CNBD1: variants seen among roughly 807,000 people sequenced by gnomAD.
The protein encoded by CNBD1 is cyclic nucleotide binding domain containing 1, also known as cyclic nucleotide-binding domain-containing protein 1.
Under a neutral mutation model 54.4 loss-of-function variants are expected in CNBD1, and 71 were observed. The observed-to-expected ratio is 1.30, with a 90% CI of 1.08 to 1.59. The LOEUF is 1.59. Among genes scored for constraint, CNBD1 ranks in the 40% most tolerant of loss-of-function variants. The pLI, the probability that CNBD1 is intolerant of heterozygous loss-of-function variation, is 0.00. For synonymous variants in CNBD1, 182 were observed against 170.7 expected (o/e 1.07, Z -0.51); for missense variants, 659 against 518.0 (o/e 1.27, Z -2.64).
chr8:87,077,902 T>C (rs890571040), intron 4 of CNBD1, among the ~76,000 whole-genome samples: 1 of 152,112 alleles, frequency 6.6e-6, no homozygotes, highest in African/African-American at 2.4e-5. Context: ...CTTTATAGTA[T>C]CATGATTTAT....
chr8:87,103,135 A>C (rs1300308619), intron 4 of CNBD1, among the ~76,000 whole-genome samples: 2 of 152,194 alleles, frequency 1.3e-5, no homozygotes, highest in Non-Finnish European at 2.9e-5. Flanking sequence ...ATCTGTGCTG[A>C]AGGTAGCATT....
At chr8:87,391,246 AAAAG>A (rs914174398) in intron 2 of CNBD1, among the ~76,000 whole-genome samples, 2 of 152,156 alleles carry the variant, frequency 1.3e-5, no homozygotes, top group African/African-American at 2.4e-5. Flanking sequence ...TATAATAAAA[AAAAG>A]AAATTTCAAA....
At chr8:87,327,480 A>T (rs1054557882) in intron 8 of CNBD1, among the ~76,000 whole-genome samples, 7 of 152,200 alleles carry the variant, frequency 4.6e-5, no homozygotes, top group Admixed American at 4.6e-4. Flanking sequence ...GGATACTCCG[A>T]ACCAGGTGTG....
intron 4 of CNBD1, among the ~76,000 whole-genome samples, chr8:87,187,504 C>G (rs1379246800): frequency 1.4e-5 from 2 of 142,172 alleles, no homozygotes; most frequent in Non-Finnish European, 3.0e-5. Context: ...TTGACAGTAA[C>G]TAAATATTGT....
At chr8:87,374,644 C>G (rs1168963355) in intron 10 of CNBD1, among the ~76,000 whole-genome samples, 1 of 151,784 alleles carries the variant, frequency 6.6e-6, no homozygotes, top group Non-Finnish European at 1.5e-5. Context: ...AGCCATGTAA[C>G]TGGCTCTGGT....
chr8:87,224,012 A>T (rs922140079), intron 5 of CNBD1, among the ~76,000 whole-genome samples: 1 of 151,768 alleles, frequency 6.6e-6, no homozygotes, highest in East Asian at 1.9e-4. Flanking sequence ...GCATTTTTTC[A>T]TGTGTTTTTT....
chr8:87,015,930 G>C (rs547196929), intron 4 of CNBD1, among the ~76,000 whole-genome samples: 1 of 126,244 alleles, frequency 7.9e-6, no homozygotes, highest in African/African-American at 3.0e-5. Flanking sequence ...GCAGCAAGCT[G>C]AGATTGTAAC....
chr8:87,387,039 T>A (rs1258438193), downstream of CNBD1, among the ~76,000 whole-genome samples: 1 of 152,180 alleles, frequency 6.6e-6, no homozygotes, highest in African/African-American at 2.4e-5. Context: ...TAAAATACTT[T>A]ACAGACAAGG....
intron 4 of CNBD1, among the ~76,000 whole-genome samples, chr8:87,152,636 C>A (rs1467051368): frequency 1.3e-5 from 2 of 152,086 alleles, no homozygotes; most frequent in Admixed American, 6.6e-5. Context: ...CCTCTTGATA[C>A]TGAGCTGTCC....
intron 10 of CNBD1, among the ~76,000 whole-genome samples, chr8:87,359,010 C>G (rs1481742320): frequency 1.3e-5 from 2 of 152,146 alleles, no homozygotes; most frequent in Non-Finnish European, 2.9e-5. Flanking sequence ...AAATGCTAAT[C>G]TCTCTAAAAA....
rs539570536 is a variant in CNBD1 at position 86,936,160 on chromosome 8, T to A, written c.273-3436T>A. On this transcript the variant is annotated intron_variant, in intron 3 of 10. Coordinates refer to ENST00000518476, the MANE Select transcript of CNBD1 (RefSeq NM_173538.3). ...AAAAAAAAATGCATTTAAAGCAATA[T>A]ATTTCTTTCTAATTTGTTTTATCTG... Among the ~76,000 whole-genome samples the A allele has an allele frequency of 4.6e-5, 7 of 152,210 alleles. No homozygotes were observed. The East Asian group carries it at 1.2e-3, about 25-fold the overall frequency.
chr8:87,147,526 C>T (rs578088637), intron 4 of CNBD1, among the ~76,000 whole-genome samples: 1 of 152,032 alleles, frequency 6.6e-6, no homozygotes, highest in South Asian at 2.1e-4. Flanking sequence ...ATATATATTT[C>T]TGACTACATT....
intron 8 of CNBD1, among the ~76,000 whole-genome samples, chr8:87,336,637 G>C (rs997963186): frequency 6.6e-6 from 1 of 152,020 alleles, no homozygotes; most frequent in Non-Finnish European, 1.5e-5. Context: ...CATAGGTTTA[G>C]AACATGCTCC....
intron 5 of CNBD1, among the ~76,000 whole-genome samples, chr8:87,223,154 T>C (rs1352798951): frequency 6.6e-6 from 1 of 151,300 alleles, no homozygotes; most frequent in African/African-American, 2.4e-5. Flanking sequence ...GCCATCAAGT[T>C]TGCCATACGT....
At chr8:87,017,455 G>A (rs1809378972) in intron 4 of CNBD1, among the ~76,000 whole-genome samples, 1 of 152,138 alleles carries the variant, frequency 6.6e-6, no homozygotes, top group African/African-American at 2.4e-5. Context: ...TCTACTTGAT[G>A]GGGCATTTAC....
intron 10 of CNBD1, among the ~76,000 whole-genome samples, chr8:87,379,476 G>T (rs186925191): frequency 0.017 from 2,611 of 151,272 alleles, 83 homozygotes; most frequent in African/African-American, 0.058. Context: ...ACCACATACT[G>T]GGAAGTAAAG....
chr8:87,149,471 C>G (rs1812557034), intron 4 of CNBD1, among the ~76,000 whole-genome samples: 2 of 152,180 alleles, frequency 1.3e-5, no homozygotes, highest in African/African-American at 4.8e-5. Context: ...CCTTGGCACT[C>G]TGTGCACAGG....
intron 4 of CNBD1, among the ~76,000 whole-genome samples, chr8:86,968,321 G>A (rs1808137549): frequency 6.6e-6 from 1 of 152,046 alleles, no homozygotes; most frequent in African/African-American, 2.4e-5. Flanking sequence ...TAAGGTTCTG[G>A]GGGTAAAATT....
chr8:86,975,441 G>C (rs2130498323), intron 4 of CNBD1, among the ~76,000 whole-genome samples: 1 of 151,552 alleles, frequency 6.6e-6, no homozygotes, highest in Non-Finnish European at 1.5e-5. Context: ...TTATATGTTT[G>C]ACTTTTTTAG....
Sources: allele counts gnomAD v4.1 joint callset (sites outside exome capture counted in the v4.1 genomes callset), GRCh38; gene constraint gnomAD v4.1.1; transcripts MANE v1.5; gene names NCBI Gene and HGNC (gene_info 2026-07-23, HGNC 2026-07-21).